RFTN1: variants seen among roughly 807,000 people sequenced by gnomAD.
RFTN1 encodes the protein raftlin, lipid raft linker 1, also known as raftlin.
Under a neutral mutation model 46.5 loss-of-function variants are expected in RFTN1, and 26 were observed. The ratio of observed to expected loss-of-function variants is 0.56; its 90% CI spans 0.41 to 0.78. The LOEUF is 0.78. Ranked by LOEUF, RFTN1 falls within the 30% of genes least tolerant of loss-of-function variation. The probability of loss-of-function intolerance (pLI) is 0.00; values close to 1 mark genes in which losing one functional copy is unlikely to be tolerated. For missense variants in RFTN1, 693 were observed against 718.7 expected (o/e 0.96, Z 0.41); for synonymous variants, 261 against 284.2 (o/e 0.92, Z 0.82).
chr3:16,347,352 A>G (rs942091556), intron 7 of RFTN1, among the ~76,000 whole-genome samples: 1 of 152,266 alleles, frequency 6.6e-6, no homozygotes, highest in Non-Finnish European at 1.5e-5. Context: ...AACAATAGAA[A>G]TTTCTCACAG....
chr3:16,476,224 T>A (rs2076279916), intron 2 of RFTN1, among the ~76,000 whole-genome samples: 2 of 152,308 alleles, frequency 1.3e-5, no homozygotes, highest in South Asian at 4.1e-4. Context: ...AACCTTAAAG[T>A]CAATATACCT....
At position 16,500,075 on chromosome 3, in the gene RFTN1, C is replaced by T. The variant is rs1331794257; in HGVS notation, c.-8-6198G>A. On this transcript the variant is annotated intron_variant, in intron 1 of 9. Transcript: ENST00000334133. This position sits in a 1 kb window ranked among gnomAD's most constrained non-coding sequence, Gnocchi z 5.9. ...TCAGCCCACTAGGTGGAATCATGCC[C>T]AGCGGTGCTATTCACTGACTTTTTC... Among the ~76,000 whole-genome samples, 2 of 152,204 alleles carry T rather than the reference C, an allele frequency of 1.3e-5. No individual in the cohort carries two copies. Among genetic ancestry groups the T allele is most frequent in the Admixed American group, 1.3e-4 (2 of 15,280 alleles).
chr3:16,456,285 T>C (rs2075903263), intron 2 of RFTN1, among the ~76,000 whole-genome samples: 1 of 152,150 alleles, frequency 6.6e-6, no homozygotes, highest in African/African-American at 2.4e-5. Flanking sequence ...GGCTGTTCTT[T>C]TCAAAAGAAT....
chr3:16,511,103 G>A (rs1163293169), intron 1 of RFTN1, among the ~76,000 whole-genome samples: 1 of 152,222 alleles, frequency 6.6e-6, no homozygotes, highest in African/African-American at 2.4e-5. Flanking sequence ...CAGGGCAGTG[G>A]TTGCCACTGA....
chr3:16,404,336 A>AATATATAATATAT (rs2074786662), intron 4 of RFTN1, among the ~76,000 whole-genome samples: 1 of 32,302 alleles, frequency 3.1e-5, no homozygotes, highest in Admixed American at 5.6e-4. Flanking sequence ...ATAATATATA[A>AATATATAATATAT]TATATATAAT....
chr3:16,446,005 C>T lies in RFTN1; in HGVS notation c.146-11968G>A, dbSNP rs1452164343. Among the ~76,000 whole-genome samples the T allele has an allele frequency of 6.6e-6, 1 of 151,766 alleles. No individual in the cohort carries two copies. The highest frequency in any genetic ancestry group is 1.5e-5 in the Non-Finnish European group (1 of 67,978). On this transcript the variant is annotated intron_variant, in intron 2 of 9. Coordinates refer to ENST00000334133, the MANE Select transcript of RFTN1 (RefSeq NM_015150.2). The surrounding 1 kb of genome is among the most constrained non-coding windows in gnomAD (Gnocchi z 4.5). Reference sequence around the variant, plus strand: ...CTGGGTTTATTTGCCAACAAGGTGGCCAAACCAAGAGTGCCTGGAGAAGGC... The same window carrying T: ...CTGGGTTTATTTGCCAACAAGGTGGTCAAACCAAGAGTGCCTGGAGAAGGC...
intron 1 of RFTN1, among the ~76,000 whole-genome samples, chr3:16,502,383 C>CA (rs140019736): frequency 0.034 from 2,406 of 70,718 alleles, 33 homozygotes; most frequent in Middle Eastern, 0.069. Flanking sequence ...GACCTTGTCT[C>CA]AAAAAAAAAA....
rs1282864738 is a variant in RFTN1, at chr3:16,346,937, T to C, written c.1146+10995A>G. Among the ~76,000 whole-genome samples the C allele has an allele frequency of 6.6e-6, 1 of 152,186 alleles. No individual in the cohort carries two copies. The highest frequency in any genetic ancestry group is 1.5e-5 in the Non-Finnish European group (1 of 68,038). On this transcript the variant is annotated intron_variant, in intron 7 of 9. Transcript: ENST00000334133. The surrounding 1 kb of genome is among the most constrained non-coding windows in gnomAD (Gnocchi z 4.4). ...TGACTCTGCAACCTCCCCACCTTGC[T>C]CTAGACTTCCTGCTCAATGAGATGA...
intron 4 of RFTN1, among the ~76,000 whole-genome samples, chr3:16,395,896 G>A (rs896230834): frequency 6.6e-6 from 1 of 152,152 alleles, no homozygotes; most frequent in African/African-American, 2.4e-5. Context: ...GTCACTTGAA[G>A]CCTTGAAAGA....
chr3:16,490,842 G>A (rs1379053824), intron 2 of RFTN1, among the ~76,000 whole-genome samples: 3 of 152,178 alleles, frequency 2.0e-5, no homozygotes, highest in Non-Finnish European at 4.4e-5. Flanking sequence ...GCATAGGCAT[G>A]ACAGGTGCAC....
rs373705161 is a variant in RFTN1 at position 16,488,829 on chromosome 3, C to T, written c.145+4896G>A. On this transcript the variant is annotated intron_variant, in intron 2 of 9. Coordinates refer to ENST00000334133, the MANE Select transcript of RFTN1 (RefSeq NM_015150.2). Reference sequence around the variant, plus strand: ...GAAATGAGTGTATCCACCTACCTTACTGGGTTACTGCAAACATAAAATGAC... The same window carrying T: ...GAAATGAGTGTATCCACCTACCTTATTGGGTTACTGCAAACATAAAATGAC... Among the ~76,000 whole-genome samples, 39 of 152,310 alleles carry T rather than the reference C, an allele frequency of 2.6e-4. 1 individual carries two copies. The South Asian group carries it at 8.1e-3, about 32-fold the overall frequency.
At chr3:16,456,420 AGAATGGTTTATCTTTCT>A (rs1279264396) in intron 2 of RFTN1, among the ~76,000 whole-genome samples, 4 of 152,194 alleles carry the variant, frequency 2.6e-5, no homozygotes, top group Non-Finnish European at 4.4e-5. Flanking sequence ...AAACTCAAGG[AGAATGGTTTATCTTTCT>A]GAATGGTTTA....
chr3:16,367,562 C>T (rs1440562136), intron 6 of RFTN1, among the ~76,000 whole-genome samples: 3 of 152,180 alleles, frequency 2.0e-5, no homozygotes, highest in African/African-American at 7.2e-5. Context: ...GATGCCTGGG[C>T]CCTGTGGAGG....
chr3:16,499,392 T>C lies in RFTN1; in HGVS notation c.-8-5515A>G, dbSNP rs1277821459. 6.6e-6 allele frequency among the ~76,000 whole-genome samples: 1 copy of C among 152,238 alleles called. No individual in the cohort carries two copies. The highest frequency in any genetic ancestry group is 1.5e-5 in the Non-Finnish European group (1 of 68,046). On this transcript the variant is annotated intron_variant, in intron 1 of 9. Coordinates refer to ENST00000334133, the MANE Select transcript of RFTN1 (RefSeq NM_015150.2). The surrounding 1 kb of genome is among the most constrained non-coding windows in gnomAD (Gnocchi z 4.9). The stretch of plus-strand genomic sequence containing the variant: ...TTTACTCCCTGACTTTTGGGGTGCC[T>C]GCTCGTGGAATCCAGCCACCATGCC...
chr3:16,470,936 T>C (rs2076184484), intron 2 of RFTN1, among the ~76,000 whole-genome samples: 1 of 152,208 alleles, frequency 6.6e-6, no homozygotes, highest in Non-Finnish European at 1.5e-5. Context: ...ATAACTATTA[T>C]AACTAAATTC....
At chr3:16,432,987 G>A (rs544509940) in intron 3 of RFTN1, among the ~76,000 whole-genome samples, 2 of 152,158 alleles carry the variant, frequency 1.3e-5, no homozygotes, top group Non-Finnish European at 2.9e-5. Flanking sequence ...CCTGCAAAGT[G>A]ACTTTAAAAG....
At position 16,345,827 on chromosome 3, in the gene RFTN1, C is replaced by T. The variant is rs200751142; in HGVS notation, c.1146+12105G>A. On this transcript the variant is annotated intron_variant, in intron 7 of 9. Coordinates refer to ENST00000334133, the MANE Select transcript of RFTN1 (RefSeq NM_015150.2). The surrounding 1 kb of genome is among the most constrained non-coding windows in gnomAD (Gnocchi z 5.2). ...GTGTGTGTGTGTGTGTGCGCGCGCGCGTGCGCGCACGCGCACATGTGCATG... is the reference window on the plus strand; with the variant it reads ...GTGTGTGTGTGTGTGTGCGCGCGCGTGTGCGCGCACGCGCACATGTGCATG... Among the ~76,000 whole-genome samples the T allele has an allele frequency of 0.37, 32,750 of 87,482 alleles. 3,980 individuals are homozygous for T. The highest frequency in any genetic ancestry group is 0.52 in the Middle Eastern group (90 of 174). 57.4% of individuals were successfully genotyped at this position (87,482 alleles called of 152,430 possible).
In RFTN1 at chr3:16,493,874, G is replaced by C. The variant is rs1248157533; in HGVS notation, c.-5C>G. The C allele has an allele frequency of 1.9e-6, 3 of 1,614,122 alleles. No individual in the cohort carries two copies. Among genetic ancestry groups the C allele is most frequent in the Non-Finnish European group, 2.5e-6 (3 of 1,180,016 alleles). On this transcript the variant is annotated 5_prime_UTR_variant, in exon 2 of 10. Coordinates refer to ENST00000334133, the MANE Select transcript of RFTN1 (RefSeq NM_015150.2). Reference sequence around the variant, plus strand: ...CTTGTTCAATCCGCAACCCATTTCAGCAGCTGCTGGCCAAAGGAAAAAGGC... The same window carrying C: ...CTTGTTCAATCCGCAACCCATTTCACCAGCTGCTGGCCAAAGGAAAAAGGC...
intron 2 of RFTN1, among the ~76,000 whole-genome samples, chr3:16,477,871 T>A (rs1165230711): frequency 6.6e-6 from 1 of 152,232 alleles, no homozygotes; most frequent in Non-Finnish European, 1.5e-5. Context: ...AGAAGGCATT[T>A]CTTAAACATA....
Sources: gnomAD v4.1 joint callset for allele counts (sites outside exome capture counted in the v4.1 genomes callset) on GRCh38, gnomAD v4.1.1 for gene constraint, Gnocchi (gnomAD v3.1) non-coding constraint, MANE v1.5 for transcripts, NCBI Gene and HGNC (gene_info 2026-07-23, HGNC 2026-07-21) for gene names.